CSMD1: variants seen among roughly 807,000 people sequenced by gnomAD.
The protein encoded by CSMD1 is CUB and Sushi multiple domains 1, also known as CUB and sushi domain-containing protein 1.
CSMD1 carries 213 observed loss-of-function variants against 417.5 expected under a neutral mutation model. The observed-to-expected ratio is 0.51, with a 90% confidence interval of 0.46 to 0.57. The LOEUF is 0.57. Among genes scored for constraint, CSMD1 ranks in the 20% least tolerant of loss-of-function variants. CSMD1 has a pLI of 0.00. For missense variants in CSMD1, 6,923 were observed against 4,529.7 expected, an observed-to-expected ratio of 1.53 and a Z score of -15.17; for synonymous variants, 2,862 against 1,736.8, an observed-to-expected ratio of 1.65 and a Z score of -16.11.
intron 3 of CSMD1, among the ~76,000 whole-genome samples, chr8:4,334,710 A>T (rs569516867): frequency 6.6e-6 from 1 of 152,258 alleles, no homozygotes; most frequent in East Asian, 1.9e-4. Flanking sequence ...ACCATGAAAA[A>T]TAATTTTTAT....
intron 3 of CSMD1, among the ~76,000 whole-genome samples, chr8:4,139,160 A>T (rs1803622556): frequency 6.6e-6 from 1 of 152,194 alleles, no homozygotes. Context: ...GTTTTATCAC[A>T]TGAAACCCTT....
chr8:3,097,802 C>G (rs1187401604), intron 46 of CSMD1, among the ~76,000 whole-genome samples: 1 of 152,118 alleles, frequency 6.6e-6, no homozygotes, highest in Non-Finnish European at 1.5e-5. Context: ...AATATTTAAA[C>G]GTTCGATGTG....
At chr8:3,939,965 C>G (rs1453331492) in intron 5 of CSMD1, among the ~76,000 whole-genome samples, 1 of 152,030 alleles carries the variant, frequency 6.6e-6, no homozygotes, top group East Asian at 1.9e-4. Flanking sequence ...CACTAAAGAA[C>G]TTACCCATGT....
intron 1 of CSMD1, among the ~76,000 whole-genome samples, chr8:4,878,463 G>C (rs1803186115): frequency 6.6e-6 from 1 of 151,842 alleles, no homozygotes; most frequent in African/African-American, 2.4e-5. Flanking sequence ...GAGGAAGGTA[G>C]GTAGAGGTAA....
At chr8:3,995,424 A>G (rs1199916871) in intron 5 of CSMD1, among the ~76,000 whole-genome samples, 5 of 152,224 alleles carry the variant, frequency 3.3e-5, no homozygotes, top group Non-Finnish European at 5.9e-5. Flanking sequence ...TTGCTTTTCC[A>G]TCTTTACCCC....
intron 1 of CSMD1, among the ~76,000 whole-genome samples, chr8:4,830,156 C>A (rs1247072370): frequency 6.6e-6 from 1 of 152,154 alleles, no homozygotes; most frequent in African/African-American, 2.4e-5. Context: ...AGAAATCTGA[C>A]AGTACAAGAA....
intron 12 of CSMD1, among the ~76,000 whole-genome samples, chr8:3,464,742 A>G (rs142536229): frequency 2.6e-5 from 4 of 152,122 alleles, no homozygotes; most frequent in African/African-American, 9.6e-5. Flanking sequence ...GTTGCTTTAT[A>G]TGGCTCTATC....
intron 21 of CSMD1, among the ~76,000 whole-genome samples, chr8:3,352,051 C>T (rs1216093994): frequency 6.6e-6 from 1 of 151,878 alleles, no homozygotes; most frequent in Admixed American, 6.6e-5. Context: ...ATTTTCCATG[C>T]TGAACATGAT....
chr8:3,551,596 A>ATATATATATAT (rs1261877187), intron 10 of CSMD1, among the ~76,000 whole-genome samples: 1 of 113,448 alleles, frequency 8.8e-6, no homozygotes, highest in African/African-American at 3.3e-5. Context: ...ATATATATAT[A>ATATATATATAT]TTTTTTTTTT....
intron 5 of CSMD1, among the ~76,000 whole-genome samples, chr8:3,907,609 C>A: frequency 6.6e-6 from 1 of 152,288 alleles, no homozygotes; most frequent in East Asian, 1.9e-4. Context: ...TCATGAAAAA[C>A]AAGCCTAAGT....
chr8:3,050,322 C>T (rs1269642254), intron 50 of CSMD1, among the ~76,000 whole-genome samples: 1 of 152,120 alleles, frequency 6.6e-6, no homozygotes, highest in Non-Finnish European at 1.5e-5. Context: ...GTAGTTTTCA[C>T]CTCATTTGTG....
chr8:3,486,581 G>C (rs576037297), intron 11 of CSMD1, among the ~76,000 whole-genome samples: 4 of 152,216 alleles, frequency 2.6e-5, no homozygotes, highest in Non-Finnish European at 5.9e-5. Context: ...AGAACAGCCA[G>C]AACAACTGGA....
chr8:4,175,510 C>G (rs1415552248), intron 3 of CSMD1, among the ~76,000 whole-genome samples: 1 of 152,054 alleles, frequency 6.6e-6, no homozygotes, highest in Non-Finnish European at 1.5e-5. Context: ...TACACAAAGA[C>G]AACTGATAGA....
Position 2,938,686 on chromosome 8 carries a change from C to T in CSMD1, c.10594G>A (p.Ala3532Thr), listed in dbSNP as rs1312038793. ...TCATACATGGGGTTTTCAAACGATG[C>T]TTGTCCATTGCTGTTTTCATGCCCA... is the stretch of plus-strand genomic sequence containing the variant. ...YAGHENSNGQ[A>T]SFENPMYDTN... Residue 3532 changes from alanine to threonine, a missense_variant, in exon 70 of 70, where the codon GCA becomes ACA. Coordinates refer to ENST00000635120, the MANE Select transcript of CSMD1 (RefSeq NM_033225.6). 1.2e-6 allele frequency: 2 copies of T among 1,611,838 alleles called. No individual in the cohort carries two copies. Among genetic ancestry groups the T allele is most frequent in the Non-Finnish European group, 1.7e-6 (2 of 1,178,898 alleles).
intron 26 of CSMD1, among the ~76,000 whole-genome samples, chr8:3,248,210 T>G (rs1459310804): frequency 1.3e-5 from 2 of 152,182 alleles, no homozygotes; most frequent in Non-Finnish European, 2.9e-5. Flanking sequence ...GAGAAGATTT[T>G]CATTAAAACC....
intron 2 of CSMD1, among the ~76,000 whole-genome samples, chr8:4,531,693 A>C (rs1486894027): frequency 6.6e-6 from 1 of 152,136 alleles, no homozygotes; most frequent in African/African-American, 2.4e-5. Flanking sequence ...CACTTCTTTT[A>C]AACATTTTTG....
intron 50 of CSMD1, among the ~76,000 whole-genome samples, chr8:3,042,870 G>GTACT (rs1227562070): frequency 6.6e-6 from 1 of 151,906 alleles, no homozygotes; most frequent in Non-Finnish European, 1.5e-5. Context: ...CGTACACAGA[G>GTACT]TACTATAGTG....
intron 3 of CSMD1, among the ~76,000 whole-genome samples, chr8:4,285,525 T>C (rs773686032): frequency 1.3e-5 from 2 of 152,210 alleles, no homozygotes; most frequent in Non-Finnish European, 2.9e-5. Context: ...TCTCTTGTTT[T>C]CGGATATCAG....
At chr8:4,127,334 T>G (rs11785517) in intron 3 of CSMD1, among the ~76,000 whole-genome samples, 69,487 of 150,974 alleles carry the variant, frequency 0.46, 16,106 homozygotes, top group African/African-American at 0.49. Flanking sequence ...TTTCTGGCAG[T>G]ACAAGCCTCT....
Sources: gnomAD v4.1 joint callset for allele counts (sites outside exome capture counted in the v4.1 genomes callset) on GRCh38, gnomAD v4.1.1 for gene constraint, MANE v1.5 for transcripts, NCBI Gene and HGNC (gene_info 2026-07-23, HGNC 2026-07-21) for gene names.